GDAP2: variants seen among roughly 807,000 people sequenced by gnomAD.
The protein encoded by GDAP2 is ganglioside induced differentiation associated protein 2.
A neutral mutation model predicts 67.0 loss-of-function variants in GDAP2; 51 were observed. The observed-to-expected ratio is 0.76, with a 90% CI of 0.61 to 0.96. The LOEUF (loss-of-function observed/expected upper bound fraction) is 0.96, where lower values mean the gene tolerates loss of function less well. Ranked by LOEUF, GDAP2 falls within the 40% of genes least tolerant of loss-of-function variation. The pLI, the probability that GDAP2 is intolerant of heterozygous loss-of-function variation, is 0.00. For missense variants in GDAP2, 547 were observed against 588.3 expected (o/e 0.93, Z 0.73); for synonymous variants, 203 against 207.3 (o/e 0.98, Z 0.18).
At chr1:117,920,074 C>T (rs753713065) in intron 2 of GDAP2, 108 bp downstream of exon 2, 43 of 645,348 alleles carry the variant, frequency 6.7e-5, no homozygotes, top group Non-Finnish European at 1.2e-4. Flanking sequence ...AAGTCATATA[C>T]GTATACGCAA....
intron 6 of GDAP2, among the ~76,000 whole-genome samples, chr1:117,901,168 T>C (rs929963365): frequency 5.9e-5 from 9 of 152,252 alleles, no homozygotes; most frequent in African/African-American, 2.2e-4. Flanking sequence ...TGTTGTAGCA[T>C]GTATCAGTAC....
chr1:117,906,317 CCTT>C (rs1649657591), intron 6 of GDAP2, among the ~76,000 whole-genome samples, 186 bp downstream of exon 6: 2 of 152,170 alleles, frequency 1.3e-5, no homozygotes, highest in South Asian at 4.1e-4. Context: ...ACGAAATGCT[CCTT>C]CTTGACTTAT....
In GDAP2 at chr1:117,869,956, G is replaced by A. The variant is rs1266723781; in HGVS notation, c.*613C>T. On this transcript the variant is annotated 3_prime_UTR_variant, in exon 14 of 14. Coordinates refer to ENST00000369443, the MANE Select transcript of GDAP2 (RefSeq NM_017686.4). ...AATCTTAACAAGTCATATAATCCAA[G>A]GAACCTTAGTCCTTAAACTTTAGTC... 6.6e-6 allele frequency: 1 copy of A among 152,318 alleles called. No individual in the cohort carries two copies. Among genetic ancestry groups the A allele is most frequent in the Non-Finnish European group, 1.5e-5 (1 of 68,174 alleles). 9.4% of individuals were successfully genotyped at this position (152,318 alleles called of 1,614,324 possible). A position where few individuals can be genotyped will look rare whatever the true frequency, so the allele number is the denominator to read the frequency against.
Position 117,896,951 on chromosome 1 carries a change from G to C in GDAP2, c.835C>G (p.Leu279Val), listed in dbSNP as rs891706287. Residue 279 changes from leucine (L) to valine (V), a missense_variant, in exon 8 of 14, where the codon CTC becomes GTC. Leu to Val is a conservative substitution (Grantham distance 32). Transcript: ENST00000369443. ...EEEDEGLGVD[L>V]SFIGSHAFAR... ...AAAGCATGAGAGCCAATGAAAGAGAGATCAACTCCCAAGCCTTCATCCTCC... is the reference window on the plus strand; with the variant it reads ...AAAGCATGAGAGCCAATGAAAGAGACATCAACTCCCAAGCCTTCATCCTCC... 6.2e-7 allele frequency: 1 copy of C among 1,611,538 alleles called. No individual in the cohort carries two copies. Among genetic ancestry groups the C allele is most frequent in the Non-Finnish European group, 8.5e-7 (1 of 1,178,156 alleles).
chr1:117,921,889 G>A (rs1244024223), intron 1 of GDAP2, among the ~76,000 whole-genome samples: 2 of 152,142 alleles, frequency 1.3e-5, no homozygotes, highest in African/African-American at 4.8e-5. Flanking sequence ...TTTGAAGGTG[G>A]TGTCAACAAG....
chr1:117,886,497 T>C (rs1648858557), intron 10 of GDAP2, 80 bp downstream of exon 10: 3 of 782,336 alleles, frequency 3.8e-6, no homozygotes, highest in Admixed American at 1.8e-5. Flanking sequence ...ATTCATATTG[T>C]AGGCCTTGAT....
rs566411609 is a variant in GDAP2 at position 117,917,231 on chromosome 1, T to C, written c.316+1366A>G. 1.6e-4 allele frequency among the ~76,000 whole-genome samples: 24 copies of C among 152,302 alleles called. No homozygotes were observed. The South Asian group carries it at 5.0e-3, about 32-fold the overall frequency. Reference sequence around the variant, plus strand: ...TGAAAATCTTTAGTCTATCATCCAGTATCTCCTGTTACTCTTTTCAGCTTT... The same window carrying C: ...TGAAAATCTTTAGTCTATCATCCAGCATCTCCTGTTACTCTTTTCAGCTTT... On this transcript the variant is annotated intron_variant, in intron 3 of 13. Transcript: ENST00000369443.
intron 6 of GDAP2, among the ~76,000 whole-genome samples, chr1:117,901,748 C>T (rs756545722): frequency 3.3e-5 from 5 of 152,168 alleles, no homozygotes; most frequent in Non-Finnish European, 7.3e-5. Context: ...CCTGGGAAGA[C>T]TGTCCCTGTA....
intron 1 of GDAP2, among the ~76,000 whole-genome samples, chr1:117,920,637 C>A (rs111706086): frequency 8.2e-4 from 124 of 151,472 alleles, no homozygotes; most frequent in African/African-American, 2.8e-3. Context: ...AGCATAAATT[C>A]TTTTCAAAGA....
chr1:117,883,693 AG>A, intron 10 of GDAP2, 66 bp from the exon 11 acceptor site: 1 of 1,201,082 alleles, frequency 8.3e-7, no homozygotes, highest in South Asian at 1.4e-5. Flanking sequence ...ACAGAGACCA[AG>A]AAAAAACAAA....
intron 8 of GDAP2, among the ~76,000 whole-genome samples, chr1:117,893,921 AC>A (rs750732649): frequency 1.3e-5 from 2 of 152,198 alleles, no homozygotes; most frequent in Non-Finnish European, 2.9e-5. Flanking sequence ...TAATTTAAAA[AC>A]AATGAAAAAC....
intron 11 of GDAP2, among the ~76,000 whole-genome samples, 196 bp from the exon 12 acceptor site, chr1:117,882,073 C>G (rs2273577): frequency 0.056 from 8,551 of 152,030 alleles, 582 homozygotes; most frequent in African/African-American, 0.16. Context: ...TAAAGTATCT[C>G]TTTTATAGGA....
chr1:117,900,730 A>T (rs1052656007), intron 6 of GDAP2, among the ~76,000 whole-genome samples: 1 of 144,714 alleles, frequency 6.9e-6, no homozygotes, highest in Non-Finnish European at 1.5e-5. Context: ...GCGCCACTGC[A>T]CTCCAGCCTG....
chr1:117,897,974 G>A (rs570435038), intron 7 of GDAP2, among the ~76,000 whole-genome samples: 2 of 152,258 alleles, frequency 1.3e-5, no homozygotes, highest in South Asian at 2.1e-4. Context: ...TCTGAGATAC[G>A]ATTTAACATT....
chr1:117,902,449 G>A (rs1649512529), intron 6 of GDAP2, among the ~76,000 whole-genome samples: 1 of 152,170 alleles, frequency 6.6e-6, no homozygotes, highest in African/African-American at 2.4e-5. Context: ...TTACATTGAG[G>A]TCCTAGATTC....
At chr1:117,914,374 T>G (rs1649973646) in intron 3 of GDAP2, among the ~76,000 whole-genome samples, 1 of 151,658 alleles carries the variant, frequency 6.6e-6, no homozygotes, top group Non-Finnish European at 1.5e-5. Context: ...AATAGAAGGG[T>G]TAAAACTAAA....
rs139436524 is a variant in GDAP2, at chr1:117,887,771, A to G, written c.957T>C (p.Tyr319=). Residue 319 remains tyrosine, a synonymous_variant, in exon 9 of 14, where the codon TAT becomes TAC. Coordinates refer to ENST00000369443, the MANE Select transcript of GDAP2 (RefSeq NM_017686.4). The part of the protein sequence containing the change: ...AALQKQHQRN[Y]NRWLCQARSE... ...ATCTTGCTTGACATAACCAGCGATT[A>G]TAACTAGGGAAATAAATGATATAAT... 26 of 1,518,844 alleles carry G rather than the reference A, an allele frequency of 1.7e-5. No homozygotes were observed. The African/African-American group carries it at 3.2e-4, about 18-fold the overall frequency. 94.1% of individuals were successfully genotyped at this position (1,518,844 alleles called of 1,614,324 possible).
Position 117,919,386 on chromosome 1 carries a change from G to T in GDAP2, c.177-650C>A, listed in dbSNP as rs201778630. Among the ~76,000 whole-genome samples the T allele has an allele frequency of 2.0e-5, 3 of 148,108 alleles. No individual in the cohort carries two copies. The East Asian group carries it at 5.9e-4, about 29-fold the overall frequency. ...AAGACTCCTCAAAAAAAAAAAAAAA[G>T]AATAAAGTATTGATTTGTACTATAA... On this transcript the variant is annotated intron_variant, in intron 2 of 13. Transcript: ENST00000369443.
chr1:117,894,468 C>G (rs532720998), intron 8 of GDAP2, among the ~76,000 whole-genome samples: 1 of 151,968 alleles, frequency 6.6e-6, no homozygotes, highest in East Asian at 1.9e-4. Context: ...GGCAGTGGCA[C>G]CAATAAACAA....
Sources: allele counts gnomAD v4.1 joint callset (sites outside exome capture counted in the v4.1 genomes callset), GRCh38; gene constraint gnomAD v4.1.1; transcripts MANE v1.5; gene names NCBI Gene and HGNC (gene_info 2026-07-23, HGNC 2026-07-21).